Variants in CA6 observed in about 807,000 individuals in gnomAD.
CA6 encodes the protein carbonic anhydrase 6, also known as carbonate dehydratase VI.
In CA6, 28 loss-of-function variants were observed where a neutral mutation model predicts 35.9. The ratio of observed to expected loss-of-function variants is 0.78; its 90% CI spans 0.58 to 1.07. CA6 has a LOEUF of 1.07. Ranked by LOEUF, CA6 falls within the 50% of genes least tolerant of loss-of-function variation. CA6 has a pLI of 0.00. For missense variants in CA6, 377 were observed against 382.0 expected (o/e 0.99, Z 0.11); for synonymous variants, 148 against 152.6 (o/e 0.97, Z 0.22).
At chr1:8,951,374 A>C (rs1569662610) in intron 2 of CA6, 1 of 722,262 alleles carries the variant, frequency 1.4e-6, no homozygotes, top group East Asian at 2.5e-5. Flanking sequence ...CCTCATTTTC[A>C]TCATAATGTC....
At chr1:8,949,152 C>T (rs1157742809) in intron 1 of CA6, 111 bp from the exon 2 acceptor site, 5 of 748,894 alleles carry the variant, frequency 6.7e-6, no homozygotes, top group South Asian at 2.3e-5. Flanking sequence ...TGGAAGGTGC[C>T]TCCGTGGGTC....
At position 8,963,155 on chromosome 1, in the gene CA6, C is replaced by T. The variant is rs1278448977; in HGVS notation, c.571+499C>T. ...TCAACCCTTGACTTTTGAGCTATAACCACAATAGCTCTGCATCCTCGACTT... is the reference window on the plus strand; with the variant it reads ...TCAACCCTTGACTTTTGAGCTATAATCACAATAGCTCTGCATCCTCGACTT... On this transcript the variant is annotated intron_variant, in intron 5 of 7. Transcript: ENST00000377443. The surrounding 1 kb of genome is among the most constrained non-coding windows in gnomAD (Gnocchi z 4.1). 1.3e-5 allele frequency among the ~76,000 whole-genome samples: 2 copies of T among 152,278 alleles called. No individual in the cohort carries two copies. The highest frequency in any genetic ancestry group is 2.1e-4 in the South Asian group (1 of 4,830).
At chr1:8,950,893 G>T (rs181183550) in intron 2 of CA6, among the ~76,000 whole-genome samples, 56 of 152,064 alleles carry the variant, frequency 3.7e-4, no homozygotes, top group African/African-American at 1.3e-3. Context: ...AGGGTCACAG[G>T]ACTTAGTGTT....
At chr1:8,974,109 G>A (rs1321588076) in intron 7 of CA6, among the ~76,000 whole-genome samples, 2 of 152,136 alleles carry the variant, frequency 1.3e-5, no homozygotes, top group Non-Finnish European at 2.9e-5. Context: ...ACAGGCATGA[G>A]CCATCGCGCC....
intron 3 of CA6, among the ~76,000 whole-genome samples, chr1:8,957,863 TGGGA>T (rs1195209941): frequency 6.8e-6 from 1 of 146,040 alleles, no homozygotes; most frequent in Non-Finnish European, 1.5e-5. Context: ...GAGGCTGAGG[TGGGA>T]GGATCGCTTG....
At chr1:8,950,326 C>T (rs1639497337) in intron 2 of CA6, among the ~76,000 whole-genome samples, 1 of 152,012 alleles carries the variant, frequency 6.6e-6, no homozygotes, top group Non-Finnish European at 1.5e-5. Flanking sequence ...AGAATATCCT[C>T]CTGATTTTCC....
intron 4 of CA6, among the ~76,000 whole-genome samples, chr1:8,961,248 A>G (rs1355985939): frequency 6.6e-6 from 1 of 152,260 alleles, no homozygotes; most frequent in Non-Finnish European, 1.5e-5. Context: ...ACTCCGATCC[A>G]CAGAAAGAAG....
chr1:8,958,554 C>A (rs928322197), intron 3 of CA6, among the ~76,000 whole-genome samples: 3 of 152,156 alleles, frequency 2.0e-5, no homozygotes, highest in Non-Finnish European at 4.4e-5. Context: ...GGACAAGGGG[C>A]GCAAGCTCAC....
intron 4 of CA6, among the ~76,000 whole-genome samples, chr1:8,962,252 A>C (rs1038012562): frequency 2.0e-5 from 3 of 147,774 alleles, no homozygotes; most frequent in East Asian, 1.9e-4. Flanking sequence ...AAAAAAAAAA[A>C]CTCACAAACA....
At chr1:8,971,022 T>A (rs367775539) in intron 7 of CA6, 41 bp downstream of exon 7, 1 of 1,326,364 alleles carries the variant, frequency 7.5e-7, no homozygotes, top group Non-Finnish European at 1.1e-6. Context: ...GCAGTTTAAC[T>A]CCTGTTTTGC....
intron 6 of CA6, among the ~76,000 whole-genome samples, chr1:8,970,279 A>G (rs1640074273): frequency 6.6e-6 from 1 of 151,502 alleles, no homozygotes. Context: ...GCCACTTGAT[A>G]TATTTCTGCT....
At chr1:8,962,532 G>A (rs79935597) in intron 4 of CA6, 55 bp from the exon 5 acceptor site, 16,300 of 1,403,142 alleles carry the variant, frequency 0.012, 340 homozygotes, top group African/African-American at 0.084. Flanking sequence ...GATTAGTAGC[G>A]ATGGTGCTGG....
chr1:8,947,424 G>A (rs1401060531), intron 1 of CA6, among the ~76,000 whole-genome samples: 3 of 152,162 alleles, frequency 2.0e-5, no homozygotes, highest in East Asian at 3.9e-4. Context: ...TTAAGTCAAG[G>A]GCAACGGAAT....
chr1:8,968,459 T>C (rs190736252), intron 6 of CA6, among the ~76,000 whole-genome samples: 18 of 152,062 alleles, frequency 1.2e-4, no homozygotes, highest in African/African-American at 4.1e-4. Flanking sequence ...ATAAAGTTAC[T>C]TGAAATTAGC....
chr1:8,946,350 C>T (rs1489074831), intron 1 of CA6, among the ~76,000 whole-genome samples: 2 of 151,408 alleles, frequency 1.3e-5, no homozygotes, highest in African/African-American at 4.9e-5. Flanking sequence ...TCCTTTAGGG[C>T]ATTTCACAGG....
intron 5 of CA6, among the ~76,000 whole-genome samples, chr1:8,965,127 C>T (rs1639936514): frequency 6.6e-6 from 1 of 152,002 alleles, no homozygotes; most frequent in Non-Finnish European, 1.5e-5. Context: ...GCCTGTAATC[C>T]CAGTTACTCG....
chr1:8,972,274 C>G (rs1016771713), intron 7 of CA6, among the ~76,000 whole-genome samples: 1 of 152,160 alleles, frequency 6.6e-6, no homozygotes, highest in East Asian at 1.9e-4. Flanking sequence ...TGGTCTCAAA[C>G]TCCTGGCCAC....
At chr1:8,971,478 AT>A (rs1192554629) in intron 7 of CA6, among the ~76,000 whole-genome samples, 168 of 145,716 alleles carry the variant, frequency 1.2e-3, no homozygotes, top group Middle Eastern at 3.5e-3. Flanking sequence ...CGCCCGGCTA[AT>A]TTTTTTTTTT....
intron 6 of CA6, among the ~76,000 whole-genome samples, chr1:8,969,221 A>G (rs1246428680): frequency 6.6e-6 from 1 of 151,530 alleles, no homozygotes; most frequent in Non-Finnish European, 1.5e-5. Context: ...AGGCTGAGGC[A>G]GGAGAATCGC....
Sources: gnomAD v4.1 joint callset for allele counts (sites outside exome capture counted in the v4.1 genomes callset) on GRCh38, gnomAD v4.1.1 for gene constraint, Gnocchi (gnomAD v3.1) non-coding constraint, MANE v1.5 for transcripts, NCBI Gene and HGNC (gene_info 2026-07-23, HGNC 2026-07-21) for gene names.